Variants in MYSM1 observed in about 807,000 individuals in gnomAD.
MYSM1 encodes Myb like, SWIRM and MPN domains 1.
Under a neutral mutation model 116.0 loss-of-function variants are expected in MYSM1, and 51 were observed. The observed-to-expected ratio is 0.44, with a 90% CI of 0.35 to 0.56. MYSM1 has a LOEUF of 0.56. Ranked by LOEUF, MYSM1 falls within the 20% of genes least tolerant of loss-of-function variation. The pLI is 0.00. For synonymous variants in MYSM1, 313 were observed against 315.2 expected (o/e 0.99, Z 0.07); for missense variants, 900 against 974.9 (o/e 0.92, Z 1.02).
At chr1:58,694,067 T>C (rs373473052) in intron 2 of MYSM1, among the ~76,000 whole-genome samples, 31 of 152,270 alleles carry the variant, frequency 2.0e-4, no homozygotes, top group African/African-American at 2.9e-4. Context: ...CTACCCTTTT[T>C]CCCATCATTT....
At position 58,662,490 on chromosome 1, in the gene MYSM1, G is replaced by A. The variant is rs1470986544; in HGVS notation, c.2165-979C>T. The stretch of plus-strand genomic sequence containing the variant: ...TTTTTTTTTTCGATGAGGACACTAC[G>A]TCATAGAAAGGTTAACCTGCTCATG... On this transcript the variant is annotated intron_variant, in intron 17 of 19. Coordinates refer to ENST00000472487, the MANE Select transcript of MYSM1 (RefSeq NM_001085487.3). Among the ~76,000 whole-genome samples the A allele has an allele frequency of 4.9e-5, 7 of 143,236 alleles. No homozygotes were observed. In the East Asian group the frequency reaches 1.3e-3, roughly 26 times the overall value. The allele number at this position is 143,236 out of a possible 152,430, so 94.0% of individuals were successfully genotyped here.
At chr1:58,680,026 C>CAAAAAA (rs6143231) in intron 8 of MYSM1, among the ~76,000 whole-genome samples, 26 of 126,942 alleles carry the variant, frequency 2.0e-4, no homozygotes, top group African/African-American at 6.4e-4. Context: ...GACTCTGTCT[C>CAAAAAA]AAAAAAAAAA....
intron 17 of MYSM1, 135 bp from the exon 18 acceptor site, chr1:58,661,646 T>C (rs1342398991): frequency 7.3e-6 from 4 of 547,238 alleles, no homozygotes; most frequent in Non-Finnish European, 1.3e-5. Context: ...ACTTTAAACA[T>C]AGTGGGCATT....
chr1:58,696,734 T>A (rs1644978983), intron 1 of MYSM1, among the ~76,000 whole-genome samples: 1 of 152,194 alleles, frequency 6.6e-6, no homozygotes, highest in Non-Finnish European at 1.5e-5. Flanking sequence ...CTGTCTATGT[T>A]ATCTAACAAG....
At chr1:58,697,422 A>T (rs1317932242) in intron 1 of MYSM1, among the ~76,000 whole-genome samples, 1 of 152,134 alleles carries the variant, frequency 6.6e-6, no homozygotes, top group Non-Finnish European at 1.5e-5. Context: ...TAACACTGGT[A>T]AAATTTCATA....
In MYSM1 at chr1:58,657,667, T is replaced by C. The variant is rs976521932; in HGVS notation, c.*2330A>G. The C allele has an allele frequency of 5.3e-5, 8 of 152,204 alleles. No individual in the cohort carries two copies. Among genetic ancestry groups the C allele is most frequent in the East Asian group, 1.9e-4 (1 of 5,202 alleles). The allele number at this position is 152,204 out of a possible 1,614,324, so 9.4% of individuals were successfully genotyped here. A position where few individuals can be genotyped will look rare whatever the true frequency, so the allele number is the denominator to read the frequency against. The stretch of plus-strand genomic sequence containing the variant: ...TATATACTAATTGTGTTTTTTTAAA[T>C]AGTAGCACTGAGATATTTGTACTTC... On this transcript the variant is annotated 3_prime_UTR_variant, in exon 20 of 20. Coordinates refer to ENST00000472487, the MANE Select transcript of MYSM1 (RefSeq NM_001085487.3).
intron 16 of MYSM1, 106 bp from the exon 17 acceptor site, chr1:58,665,737 A>G: frequency 1.3e-6 from 1 of 793,944 alleles, no homozygotes; most frequent in Non-Finnish European, 2.0e-6. Flanking sequence ...GCAGGAACAA[A>G]AAGGTGCATT....
intron 10 of MYSM1, among the ~76,000 whole-genome samples, chr1:58,674,899 C>T (rs1470647265): frequency 2.7e-5 from 4 of 149,132 alleles, no homozygotes; most frequent in South Asian, 2.1e-4. Context: ...CATACTCTAG[C>T]CTGGGTGACA....
chr1:58,676,291 CT>C (rs1021869697), intron 9 of MYSM1, among the ~76,000 whole-genome samples: 13 of 151,876 alleles, frequency 8.6e-5, no homozygotes, highest in African/African-American at 3.1e-4. Context: ...TGGCATGCGC[CT>C]GTAGTCCCAG....
chr1:58,667,744 G>A (rs1420981430), intron 15 of MYSM1, 103 bp downstream of exon 15: 3 of 724,460 alleles, frequency 4.1e-6, no homozygotes, highest in Admixed American at 2.2e-5. Context: ...ATATATCATA[G>A]GTAAAGTCTG....
chr1:58,690,438 C>T (rs755108009), intron 3 of MYSM1, 21 bp from the exon 4 acceptor site: 12 of 1,507,348 alleles, frequency 8.0e-6, no homozygotes, highest in Non-Finnish European at 1.0e-5. Flanking sequence ...ATCAAGGAAA[C>T]TTTTTAAACA....
chr1:58,676,939 G>A lies in MYSM1; in HGVS notation c.1377C>T (p.Ile459=), dbSNP rs191506598. 6.2e-7 allele frequency: 1 copy of A among 1,609,352 alleles called. No homozygotes were observed. Among genetic ancestry groups the A allele is most frequent in the African/African-American group, 1.3e-5 (1 of 74,840 alleles). Residue 459 remains isoleucine, a synonymous_variant, in exon 9 of 20, where the codon ATC becomes ATT. Transcript: ENST00000472487. ...TTTTATTTTTACCACATCCAAAATT[G>A]ATTGCTCCTATCAATTCGAGGTATG... ...IHTYLELIGA[I]NFGCEQAVYN...
At chr1:58,667,252 T>C in intron 15 of MYSM1, 26 bp from the exon 16 acceptor site, 1 of 1,431,578 alleles carries the variant, frequency 7.0e-7, no homozygotes, top group Non-Finnish European at 9.3e-7. Context: ...CCTCAAATGA[T>C]TATACTAAAA....
At position 58,695,262 on chromosome 1, in the gene MYSM1, G is replaced by A. The variant is rs191209607; in HGVS notation, c.69-55C>T. On this transcript the variant is annotated intron_variant, in intron 1 of 19. Coordinates refer to ENST00000472487, the MANE Select transcript of MYSM1 (RefSeq NM_001085487.3). Reference sequence around the variant, plus strand: ...GTGAAAATCATATTAGTTAATGAATGTAACTTACACAGCACAGAATCCAGC... The same window carrying A: ...GTGAAAATCATATTAGTTAATGAATATAACTTACACAGCACAGAATCCAGC... The A allele has an allele frequency of 6.2e-6, 7 of 1,133,204 alleles. No individual in the cohort carries two copies. In the East Asian group the frequency reaches 1.5e-4, roughly 24 times the overall value. 70.2% of individuals were successfully genotyped at this position (1,133,204 alleles called of 1,614,324 possible).
rs1287355122 is a variant in MYSM1 at position 58,658,326 on chromosome 1, T to A, written c.*1671A>T. The stretch of plus-strand genomic sequence containing the variant: ...AAGTGCACACAGAGAAATGGAAAAA[T>A]ACTACCCTTTTTTTTTTAAATGTAT... On this transcript the variant is annotated 3_prime_UTR_variant, in exon 20 of 20. Transcript: ENST00000472487. 6.6e-6 allele frequency: 1 copy of A among 151,912 alleles called. No homozygotes were observed. The highest frequency in any genetic ancestry group is 2.4e-5 in the African/African-American group (1 of 41,244). 9.4% of individuals were successfully genotyped at this position (151,912 alleles called of 1,614,324 possible).
chr1:58,664,022 G>A (rs999354346), intron 17 of MYSM1, among the ~76,000 whole-genome samples: 5 of 151,996 alleles, frequency 3.3e-5, no homozygotes, highest in Admixed American at 2.6e-4. Context: ...CAGTTTTTTG[G>A]TAGTTTCAGA....
chr1:58,689,302 G>A (rs1460836937), intron 5 of MYSM1, 186 bp from the exon 6 acceptor site: 6 of 528,028 alleles, frequency 1.1e-5, no homozygotes, highest in East Asian at 9.9e-5. Context: ...ACCCTGTCAC[G>A]TGTCTCTAGC....
chr1:58,656,357 A>G lies in MYSM1; in HGVS notation c.*3640T>C, dbSNP rs966094000. 1.3e-5 allele frequency: 2 copies of G among 152,188 alleles called. No homozygotes were observed. The highest frequency in any genetic ancestry group is 2.9e-5 in the Non-Finnish European group (2 of 68,048). 9.4% of individuals were successfully genotyped at this position (152,188 alleles called of 1,614,324 possible). A position where few individuals can be genotyped will look rare whatever the true frequency, so the allele number is the denominator to read the frequency against. On this transcript the variant is annotated 3_prime_UTR_variant, in exon 20 of 20. Coordinates refer to ENST00000472487, the MANE Select transcript of MYSM1 (RefSeq NM_001085487.3). ...GGCCTAGCTTTCAACAAATAATAGA[A>G]AGAAGGGTCTTGTATTTATATGCTG...
chr1:58,674,896 T>A (rs1326283552), intron 10 of MYSM1, among the ~76,000 whole-genome samples: 1 of 142,546 alleles, frequency 7.0e-6, no homozygotes, highest in African/African-American at 2.6e-5. Context: ...CACCATACTC[T>A]AGCCTGGGTG....
Sources: allele counts gnomAD v4.1 joint callset (sites outside exome capture counted in the v4.1 genomes callset), GRCh38; gene constraint gnomAD v4.1.1; transcripts MANE v1.5; gene names NCBI Gene and HGNC (gene_info 2026-07-23, HGNC 2026-07-21).